Variants in NKAIN2 observed in about 807,000 individuals in gnomAD.
NKAIN2 encodes sodium/potassium transporting ATPase interacting 2.
NKAIN2 carries 14 observed loss-of-function variants against 32.6 expected under a neutral mutation model. The ratio of observed to expected loss-of-function variants is 0.43; its 90% CI spans 0.28 to 0.67. The LOEUF is 0.67. Among genes scored for constraint, NKAIN2 ranks in the 30% least tolerant of loss-of-function variants. The pLI, the probability that NKAIN2 is intolerant of heterozygous loss-of-function variation, is 0.17. For missense variants in NKAIN2, 198 were observed against 258.3 expected (o/e 0.77, Z 1.60); for synonymous variants, 80 against 87.2 (o/e 0.92, Z 0.46).
intron 3 of NKAIN2, among the ~76,000 whole-genome samples, chr6:124,618,265 G>A (rs1324415175): frequency 6.6e-6 from 1 of 152,076 alleles, no homozygotes; most frequent in Non-Finnish European, 1.5e-5. Flanking sequence ...ATCACCTGAG[G>A]TCAGGAGTTC....
At chr6:124,298,055 A>T (rs930598093) in intron 2 of NKAIN2, among the ~76,000 whole-genome samples, 1 of 152,166 alleles carries the variant, frequency 6.6e-6, no homozygotes, top group African/African-American at 2.4e-5. Flanking sequence ...AATGTTATCT[A>T]TTATGTTAAT....
In NKAIN2 at chr6:124,398,252, CAAAAAAAAAAAAA is replaced by C. The variant is rs869039720; in HGVS notation, c.273+42923_273+42935del. ...TGGGTGACAGAGAGAGACTGCATCT[CAAAAAAAAAAAAA>C]AAAAAAAAAAAAAAAAAGATGAGCC... On this transcript the variant is annotated intron_variant, in intron 3 of 6. Transcript: ENST00000368417. Among the ~76,000 whole-genome samples the C allele has an allele frequency of 8.9e-3, 615 of 69,094 alleles. 10 individuals are homozygous for C. Among genetic ancestry groups the C allele is most frequent in the African/African-American group, 0.044 (571 of 12,946 alleles). The allele number at this position is 69,094 out of a possible 152,430, so 45.3% of individuals were successfully genotyped here.
At chr6:124,177,278 A>G (rs997761389) in intron 1 of NKAIN2, among the ~76,000 whole-genome samples, 1 of 152,226 alleles carries the variant, frequency 6.6e-6, no homozygotes, top group Non-Finnish European at 1.5e-5. Context: ...TTTATTTCAC[A>G]TGCACAGTTT....
chr6:124,017,547 A>C (rs902141165), intron 1 of NKAIN2, among the ~76,000 whole-genome samples: 2 of 152,156 alleles, frequency 1.3e-5, no homozygotes, highest in African/African-American at 4.8e-5. Context: ...TCCTAGATAC[A>C]ATGGGGGTAT....
intron 4 of NKAIN2, among the ~76,000 whole-genome samples, chr6:124,693,917 C>T (rs1774372924): frequency 6.7e-6 from 1 of 149,460 alleles, no homozygotes; most frequent in African/African-American, 2.6e-5. Context: ...TAAATTGCAT[C>T]TGTTTCAGTC....
At chr6:123,938,055 G>A (rs1266883726) in intron 1 of NKAIN2, among the ~76,000 whole-genome samples, 2 of 119,344 alleles carry the variant, frequency 1.7e-5, no homozygotes, top group Non-Finnish European at 3.5e-5. Context: ...ACCGCTGATA[G>A]CAGCCACCTA....
chr6:124,175,139 A>G (rs1410016065), intron 1 of NKAIN2, among the ~76,000 whole-genome samples: 2 of 152,144 alleles, frequency 1.3e-5, no homozygotes, highest in East Asian at 3.9e-4. Flanking sequence ...TGTTATTAAT[A>G]CTATTGATTT....
chr6:123,992,656 A>C (rs749622846), intron 1 of NKAIN2, among the ~76,000 whole-genome samples: 6 of 152,236 alleles, frequency 3.9e-5, no homozygotes, highest in Non-Finnish European at 8.8e-5. Context: ...CATAACAGAA[A>C]TCACATTAAT....
At chr6:123,831,686 T>C (rs9482470) in intron 1 of NKAIN2, among the ~76,000 whole-genome samples, 5,333 of 150,344 alleles carry the variant, frequency 0.035, 336 homozygotes, top group African/African-American at 0.13. Context: ...GACGGAGTTT[T>C]GCTCTGTCGC....
At chr6:123,878,888 G>T (rs1250189059) in intron 1 of NKAIN2, among the ~76,000 whole-genome samples, 1 of 152,102 alleles carries the variant, frequency 6.6e-6, no homozygotes, top group Non-Finnish European at 1.5e-5. Flanking sequence ...CTACTACTCA[G>T]AAGTTCACTC....
chr6:123,989,353 A>G (rs1260930768), intron 1 of NKAIN2, among the ~76,000 whole-genome samples: 6 of 152,330 alleles, frequency 3.9e-5, no homozygotes, highest in Admixed American at 3.3e-4. Context: ...CTTTTGGCAT[A>G]TAATTGAGAA....
At chr6:124,306,530 C>T (rs1190847223) in intron 2 of NKAIN2, among the ~76,000 whole-genome samples, 2 of 152,062 alleles carry the variant, frequency 1.3e-5, no homozygotes, top group Non-Finnish European at 2.9e-5. Context: ...TAAAGAAAAA[C>T]AAAATCTGTC....
At chr6:124,599,019 A>AT (rs34952742) in intron 3 of NKAIN2, among the ~76,000 whole-genome samples, 32,157 of 141,836 alleles carry the variant, frequency 0.23, 4,328 homozygotes, top group African/African-American at 0.38. Context: ...ACACAAATCT[A>AT]TTTTTTTTTT....
chr6:124,096,739 TC>T (rs1784660522), intron 1 of NKAIN2, among the ~76,000 whole-genome samples: 1 of 150,970 alleles, frequency 6.6e-6, no homozygotes, highest in East Asian at 2.0e-4. Context: ...ATGCCTGTAG[TC>T]CCAGCTACTC....
chr6:124,241,875 TC>T (rs1793118152), intron 1 of NKAIN2, among the ~76,000 whole-genome samples: 1 of 152,054 alleles, frequency 6.6e-6, no homozygotes, highest in African/African-American at 2.4e-5. Context: ...CTGGACCCCT[TC>T]CTTACACCTT....
At chr6:124,241,168 A>G (rs1793072958) in intron 1 of NKAIN2, among the ~76,000 whole-genome samples, 1 of 152,206 alleles carries the variant, frequency 6.6e-6, no homozygotes. Context: ...TAAAATACCT[A>G]GAAATACAAC....
At chr6:124,482,927 G>T (rs1399657662) in intron 3 of NKAIN2, among the ~76,000 whole-genome samples, 1 of 152,188 alleles carries the variant, frequency 6.6e-6, no homozygotes, top group Non-Finnish European at 1.5e-5. Flanking sequence ...GAGGTCAGGA[G>T]ATTGAGACCA....
At chr6:123,818,552 A>G (rs1325215908) in intron 1 of NKAIN2, among the ~76,000 whole-genome samples, 1 of 152,180 alleles carries the variant, frequency 6.6e-6, no homozygotes, top group Non-Finnish European at 1.5e-5. Context: ...GAAGCATAAT[A>G]AAACAGCAGA....
intron 1 of NKAIN2, among the ~76,000 whole-genome samples, chr6:123,942,489 G>A (rs1776868883): frequency 6.6e-6 from 1 of 151,952 alleles, no homozygotes; most frequent in Non-Finnish European, 1.5e-5. Flanking sequence ...ATATTCTTAA[G>A]TTACATTCAT....
Sources: gnomAD v4.1 joint callset for allele counts (sites outside exome capture counted in the v4.1 genomes callset) on GRCh38, gnomAD v4.1.1 for gene constraint, MANE v1.5 for transcripts, NCBI Gene and HGNC (gene_info 2026-07-23, HGNC 2026-07-21) for gene names.